Variants in EBF2 observed in about 807,000 individuals in gnomAD.
EBF2 encodes transcription factor COE2.
Under a neutral mutation model 72.8 loss-of-function variants are expected in EBF2, and 21 were observed. The observed-to-expected ratio is 0.29, with a 90% CI of 0.20 to 0.42. The LOEUF (loss-of-function observed/expected upper bound fraction) is 0.42, where lower values mean the gene tolerates loss of function less well. Ranked by LOEUF, EBF2 falls within the 10% of genes least tolerant of loss-of-function variation. The pLI is 1.00. For synonymous variants in EBF2, 299 were observed against 274.2 expected (o/e 1.09, Z -0.89); for missense variants, 637 against 731.2 (o/e 0.87, Z 1.49).
In EBF2 at chr8:25,944,794, T is replaced by C. The variant is rs76726698; in HGVS notation, c.552-36239A>G. Among the ~76,000 whole-genome samples, 437 of 149,628 alleles carry C rather than the reference T, an allele frequency of 2.9e-3. 3 individuals are homozygous for C. The highest frequency in any genetic ancestry group is 0.01 in the African/African-American group (418 of 40,988). ...TATATTGTGTATATAATTATACATG[T>C]ATATGTATTTATATACACACTTATA... On this transcript the variant is annotated intron_variant, in intron 6 of 15. Coordinates refer to ENST00000520164, the MANE Select transcript of EBF2 (RefSeq NM_022659.4).
At chr8:25,982,224 C>G (rs549508317) in intron 6 of EBF2, among the ~76,000 whole-genome samples, 1 of 152,334 alleles carries the variant, frequency 6.6e-6, no homozygotes, top group African/African-American at 2.4e-5. Context: ...GTTCTGAACT[C>G]CACTGCCAAT....
intron 11 of EBF2, among the ~76,000 whole-genome samples, chr8:25,862,435 G>A (rs1037686683): frequency 6.6e-6 from 1 of 152,078 alleles, no homozygotes; most frequent in Non-Finnish European, 1.5e-5. Flanking sequence ...CAATTATGCA[G>A]TTATTTATTT....
At chr8:25,849,451 A>C (rs535034495) in intron 15 of EBF2, among the ~76,000 whole-genome samples, 3 of 152,322 alleles carry the variant, frequency 2.0e-5, no homozygotes, top group South Asian at 4.1e-4. Context: ...AATGCAGCCC[A>C]TCCAAGGTTC....
chr8:25,957,722 C>T (rs532085632), intron 6 of EBF2, among the ~76,000 whole-genome samples: 41 of 152,174 alleles, frequency 2.7e-4, no homozygotes, highest in South Asian at 1.0e-3. Context: ...AAAAATTAGC[C>T]GGGTGTGGTG....
intron 6 of EBF2, among the ~76,000 whole-genome samples, chr8:25,987,999 G>A (rs4419819): frequency 0.2 from 31,155 of 152,160 alleles, 3,757 homozygotes; most frequent in South Asian, 0.28. Flanking sequence ...TAACATAGGT[G>A]CATTCCAAGG....
At chr8:26,000,969 A>G (rs867013342) in intron 6 of EBF2, among the ~76,000 whole-genome samples, 6 of 152,330 alleles carry the variant, frequency 3.9e-5, no homozygotes, top group Middle Eastern at 6.8e-3. Context: ...TTGGCGCAAA[A>G]ATCAAACCTA....
At chr8:25,917,754 C>T (rs910812463) in intron 6 of EBF2, among the ~76,000 whole-genome samples, 4 of 152,108 alleles carry the variant, frequency 2.6e-5, no homozygotes, top group Non-Finnish European at 4.4e-5. Context: ...CCTTCCCCAT[C>T]CTTCCCCTCC....
intron 14 of EBF2, among the ~76,000 whole-genome samples, chr8:25,857,510 C>T (rs915715863): frequency 9.9e-5 from 15 of 152,182 alleles, no homozygotes. Flanking sequence ...ACACTCTACT[C>T]AATCACTTCA....
chr8:25,973,640 G>T (rs1013054111), intron 6 of EBF2, among the ~76,000 whole-genome samples: 1 of 152,064 alleles, frequency 6.6e-6, no homozygotes, highest in Non-Finnish European at 1.5e-5. Flanking sequence ...TTGTTAGATT[G>T]TTTTTCCCCC....
At chr8:25,912,843 T>C (rs1372143566) in intron 6 of EBF2, among the ~76,000 whole-genome samples, 1 of 152,174 alleles carries the variant, frequency 6.6e-6, no homozygotes, top group East Asian at 1.9e-4. Flanking sequence ...CATACTGGAA[T>C]ATCCTGTACT....
chr8:25,880,605 T>C (rs1802590861), intron 10 of EBF2, among the ~76,000 whole-genome samples: 1 of 152,204 alleles, frequency 6.6e-6, no homozygotes, highest in African/African-American at 2.4e-5. Context: ...ATGACATTTC[T>C]ATATGTTCCT....
At chr8:26,025,667 A>G (rs900255943) in intron 6 of EBF2, among the ~76,000 whole-genome samples, 1 of 152,170 alleles carries the variant, frequency 6.6e-6, no homozygotes, top group African/African-American at 2.4e-5. Flanking sequence ...CCTCCAATGA[A>G]GAGCTTCAAT....
At chr8:25,852,109 A>G (rs1801991668) in intron 14 of EBF2, among the ~76,000 whole-genome samples, 3 of 152,164 alleles carry the variant, frequency 2.0e-5, no homozygotes, top group Admixed American at 6.5e-5. Context: ...CTTTCCTCAT[A>G]TATGGATAAA....
chr8:26,020,563 G>A (rs1805188820), intron 6 of EBF2, among the ~76,000 whole-genome samples: 1 of 152,146 alleles, frequency 6.6e-6, no homozygotes, highest in Non-Finnish European at 1.5e-5. Flanking sequence ...TAGAAATGCA[G>A]GGCAATGGAT....
chr8:25,887,726 T>A (rs888729758), intron 9 of EBF2, 116 bp downstream of exon 9: 1 of 1,233,932 alleles, frequency 8.1e-7, no homozygotes, highest in Non-Finnish European at 1.1e-6. Context: ...AAGAAACCCA[T>A]GCCTGATTTA....
At chr8:25,883,813 C>T (rs4129287) in intron 10 of EBF2, among the ~76,000 whole-genome samples, 83,664 of 151,898 alleles carry the variant, frequency 0.55, 26,088 homozygotes, top group African/African-American at 0.85. Flanking sequence ...TTTGAAACAA[C>T]AGAGATACCA....
At chr8:25,876,094 G>T (rs373056554) in intron 10 of EBF2, among the ~76,000 whole-genome samples, 3 of 152,214 alleles carry the variant, frequency 2.0e-5, no homozygotes, top group Non-Finnish European at 2.9e-5. Context: ...AAAGGAATGA[G>T]AGCATGTCAT....
intron 6 of EBF2, among the ~76,000 whole-genome samples, chr8:26,016,608 ATTTATGCT>A (rs1805115228): frequency 6.6e-6 from 1 of 152,156 alleles, no homozygotes; most frequent in Non-Finnish European, 1.5e-5. Context: ...CACCTTATTT[ATTTATGCT>A]TTTATAAGGA....
intron 6 of EBF2, among the ~76,000 whole-genome samples, chr8:25,962,416 C>G (rs542810504): frequency 6.6e-6 from 1 of 152,182 alleles, no homozygotes; most frequent in Non-Finnish European, 1.5e-5. Context: ...ATGCGGGGTC[C>G]CAAGAGATGG....
Sources: allele counts gnomAD v4.1 joint callset (sites outside exome capture counted in the v4.1 genomes callset), GRCh38; gene constraint gnomAD v4.1.1; transcripts MANE v1.5; gene names NCBI Gene and HGNC (gene_info 2026-07-23, HGNC 2026-07-21).